NXPE4: variants seen among roughly 807,000 people sequenced by gnomAD.
The protein encoded by NXPE4 is neurexophilin and PC-esterase domain family member 4, also known as NXPE family member 4.
Under a neutral mutation model 33.3 loss-of-function variants are expected in NXPE4, and 42 were observed. That is an observed-to-expected ratio of 1.26 (90% CI 0.98 to 1.63). The LOEUF is 1.63. Among genes scored for constraint, NXPE4 ranks in the 40% most tolerant of loss-of-function variants. The pLI is 0.00. For missense variants in NXPE4, 709 were observed against 647.6 expected, an observed-to-expected ratio of 1.09 and a Z score of -1.03; for synonymous variants, 253 against 234.9, an observed-to-expected ratio of 1.08 and a Z score of -0.71.
the NXPE4 span, among the ~76,000 whole-genome samples, chr11:114,619,937 C>T: frequency 6.6e-6 from 1 of 151,904 alleles, no homozygotes; most frequent in Admixed American, 6.6e-5. Context: ...ACCACTGTTA[C>T]CCGGTGGATA....
chr11:114,631,175 A>G, the NXPE4 span, among the ~76,000 whole-genome samples: 1 of 152,076 alleles, frequency 6.6e-6, no homozygotes, highest in African/African-American at 2.4e-5. Flanking sequence ...ATTACTGGGT[A>G]TATACCCAAA....
Position 114,593,914 on chromosome 11 carries a change from G to A in NXPE4, c.96+750C>T, listed in dbSNP as rs542289106. Among the ~76,000 whole-genome samples the A allele has an allele frequency of 2.6e-5, 4 of 152,122 alleles. No homozygotes were observed. In the East Asian group the frequency reaches 7.7e-4, roughly 29 times the overall value. The stretch of plus-strand genomic sequence containing the variant: ...AAGGTCATTATGTTAAGTGAAATAA[G>A]CTAGGCACAGAAGACAAACTTTGCA... On this transcript the variant is annotated intron_variant, in intron 2 of 5. Transcript: ENST00000375478.
chr11:114,602,323 ACT>A, the NXPE4 span, among the ~76,000 whole-genome samples: 1 of 113,580 alleles, frequency 8.8e-6, no homozygotes, highest in Non-Finnish European at 1.7e-5. Flanking sequence ...TATATATTAT[ACT>A]ATATATATGT....
the NXPE4 span, among the ~76,000 whole-genome samples, chr11:114,629,479 G>T: frequency 6.6e-6 from 1 of 151,120 alleles, no homozygotes; most frequent in Non-Finnish European, 1.5e-5. Flanking sequence ...AACCCTTCAT[G>T]CTAAAAACTC....
intron 2 of NXPE4, among the ~76,000 whole-genome samples, chr11:114,590,848 G>T (rs1949433257): frequency 6.6e-6 from 1 of 152,150 alleles, no homozygotes; most frequent in Admixed American, 6.6e-5. Flanking sequence ...CAATGTAGCA[G>T]GATTGCTGTC....
the NXPE4 span, among the ~76,000 whole-genome samples, chr11:114,600,966 C>T: frequency 6.6e-6 from 1 of 151,956 alleles, no homozygotes; most frequent in Non-Finnish European, 1.5e-5. Context: ...ATATCGTATA[C>T]CAAATAATTT....
At chr11:114,612,599 C>A in the NXPE4 span, among the ~76,000 whole-genome samples, 4 of 151,130 alleles carry the variant, frequency 2.6e-5, no homozygotes, top group African/African-American at 4.9e-5. Flanking sequence ...TATTGCCTCA[C>A]GGGTAACCAG....
the NXPE4 span, among the ~76,000 whole-genome samples, chr11:114,602,818 TATA>T: frequency 7.5e-5 from 11 of 146,580 alleles, no homozygotes; most frequent in East Asian, 1.4e-3. Flanking sequence ...CAGAATCATA[TATA>T]ATAATTATCT....
chr11:114,630,593 C>T, the NXPE4 span, among the ~76,000 whole-genome samples: 1 of 151,468 alleles, frequency 6.6e-6, no homozygotes, highest in South Asian at 2.1e-4. Context: ...TAGGCATTAC[C>T]ATTCAGGACA....
the NXPE4 span, among the ~76,000 whole-genome samples, chr11:114,634,314 G>C: frequency 6.6e-6 from 1 of 151,984 alleles, no homozygotes; most frequent in Admixed American, 6.6e-5. Flanking sequence ...AGAGTTGTTT[G>C]TTATTTTCTT....
the NXPE4 span, among the ~76,000 whole-genome samples, chr11:114,668,468 T>G: frequency 3.3e-5 from 5 of 151,932 alleles, no homozygotes; most frequent in South Asian, 1.0e-3. Flanking sequence ...CAAACAAAAA[T>G]TTGTGACAAG....
At chr11:114,639,617 C>T in the NXPE4 span, among the ~76,000 whole-genome samples, 4 of 147,858 alleles carry the variant, frequency 2.7e-5, no homozygotes, top group South Asian at 6.3e-4. Flanking sequence ...TTGGCTGCCC[C>T]ACCTATGTAA....
At chr11:114,632,483 C>G in the NXPE4 span, among the ~76,000 whole-genome samples, 2 of 122,770 alleles carry the variant, frequency 1.6e-5, no homozygotes, top group Non-Finnish European at 1.6e-5. Flanking sequence ...CTATATAATA[C>G]TCCATAATAT....
rs78608548 is a variant in NXPE4, at chr11:114,594,804, A to T, written c.-10-35T>A. The T allele has an allele frequency of 0.2, 215,435 of 1,067,818 alleles. 24,050 individuals carry two copies. Among genetic ancestry groups the T allele is most frequent in the South Asian group, 0.23 (16,542 of 72,518 alleles). The allele number at this position is 1,067,818 out of a possible 1,614,324, so 66.1% of individuals were successfully genotyped here. A position where few individuals can be genotyped will look rare whatever the true frequency, so the allele number is the denominator to read the frequency against. On this transcript the variant is annotated intron_variant, in intron 1 of 5. Transcript: ENST00000375478. ...ACAATACAAAAACAAGCACAAAAACATACAACAAAACAGAAAAGCAAACAA... is the reference window on the plus strand; with the variant it reads ...ACAATACAAAAACAAGCACAAAAACTTACAACAAAACAGAAAAGCAAACAA...
chr11:114,632,706 TATA>T, the NXPE4 span, among the ~76,000 whole-genome samples: 7 of 77,166 alleles, frequency 9.1e-5, no homozygotes, highest in East Asian at 1.2e-3. Context: ...ATTTATATAA[TATA>T]ATATAATATA....
chr11:114,618,109 T>C, the NXPE4 span, among the ~76,000 whole-genome samples: 1 of 151,858 alleles, frequency 6.6e-6, no homozygotes, highest in Non-Finnish European at 1.5e-5. Flanking sequence ...GGATATTAAG[T>C]GTCGCCTCGT....
At chr11:114,573,344 T>C (rs1346393360) in intron 5 of NXPE4, among the ~76,000 whole-genome samples, 1 of 152,042 alleles carries the variant, frequency 6.6e-6, no homozygotes, top group Non-Finnish European at 1.5e-5. Context: ...ATGAATAGAA[T>C]AGTATCTTAT....
At chr11:114,577,095 A>G (rs1358612040) in intron 5 of NXPE4, among the ~76,000 whole-genome samples, 20 of 142,024 alleles carry the variant, frequency 1.4e-4, no homozygotes, top group Non-Finnish European at 2.7e-4. Context: ...ACATATATAT[A>G]TAAAGTTATA....
At chr11:114,632,703 T>C in the NXPE4 span, among the ~76,000 whole-genome samples, 1 of 77,732 alleles carries the variant, frequency 1.3e-5, no homozygotes, top group Non-Finnish European at 2.2e-5. Context: ...TATATTTATA[T>C]AATATAATAT....
Sources: allele counts gnomAD v4.1 joint callset (sites outside exome capture counted in the v4.1 genomes callset), GRCh38; gene constraint gnomAD v4.1.1; transcripts MANE v1.5; gene names NCBI Gene and HGNC (gene_info 2026-07-23, HGNC 2026-07-21).